The following GSTM4 variants were observed in gnomAD, a reference collection of about 807,000 sequenced individuals.
GSTM4 encodes the protein glutathione S-transferase mu 4.
A neutral mutation model predicts 30.1 loss-of-function variants in GSTM4; 27 were observed. That is an observed-to-expected ratio of 0.90 (90% CI 0.66 to 1.24). The LOEUF (loss-of-function observed/expected upper bound fraction) is 1.24, where lower values mean the gene tolerates loss of function less well. GSTM4 is among the 50% of genes most tolerant of loss of function. The pLI, the probability that GSTM4 is intolerant of heterozygous loss-of-function variation, is 0.00. For missense variants in GSTM4, 238 were observed against 272.1 expected, an observed-to-expected ratio of 0.87 and a Z score of 0.88; for synonymous variants, 94 against 96.2, an observed-to-expected ratio of 0.98 and a Z score of 0.13.
At chr1:109,656,556 G>A (rs1651995418) in intron 1 of GSTM4, 131 bp downstream of exon 1, 4 of 365,280 alleles carry the variant, frequency 1.1e-5, no homozygotes, top group Non-Finnish European at 2.3e-5. Context: ...ATGCCTGTGT[G>A]TGTGTGTGTG....
At chr1:109,663,250 C>A (rs1234185919), downstream of GSTM4, among the ~76,000 whole-genome samples, 1 of 152,148 alleles carries the variant, frequency 6.6e-6, no homozygotes, top group African/African-American at 2.4e-5. Flanking sequence ...ATTGAAGGCT[C>A]CTGGTGCAGT....
rs1159796711 is a variant in GSTM4 at position 109,659,557 on chromosome 1, T to C, written c.567+447T>C. On this transcript the variant is annotated intron_variant, in intron 7 of 7. Coordinates refer to ENST00000369836, the MANE Select transcript of GSTM4 (RefSeq NM_000850.5). ...TGGATGCAGCTGGCAATAGTAGGAC[T>C]GACACACGGTGGCATTGACGTCGAG... The C allele has an allele frequency of 6.3e-6, 3 of 476,676 alleles. No homozygotes were observed. The Admixed American group carries it at 1.1e-4, about 17-fold the overall frequency. 29.5% of individuals were successfully genotyped at this position (476,676 alleles called of 1,614,324 possible).
chr1:109,664,651 C>T (rs764463452), downstream of GSTM4, among the ~76,000 whole-genome samples: 26 of 152,066 alleles, frequency 1.7e-4, no homozygotes, highest in Non-Finnish European at 2.8e-4. Flanking sequence ...TGAGCCATCG[C>T]GCCCAGCCCA....
downstream of GSTM4, among the ~76,000 whole-genome samples, chr1:109,666,829 G>T (rs1647342248): frequency 6.6e-6 from 1 of 152,066 alleles, no homozygotes; most frequent in Non-Finnish European, 1.5e-5. Context: ...TGGTTCAAGC[G>T]ATTCTCCTGC....
At chr1:109,667,232 G>A (rs1647359633), downstream of GSTM4, among the ~76,000 whole-genome samples, 1 of 150,904 alleles carries the variant, frequency 6.6e-6, no homozygotes, top group Admixed American at 6.6e-5. Flanking sequence ...AACTCATGTA[G>A]TTAAGGTAAG....
chr1:109,663,073 G>T (rs1357620844), downstream of GSTM4, among the ~76,000 whole-genome samples: 5 of 152,174 alleles, frequency 3.3e-5, no homozygotes, highest in East Asian at 9.6e-4. Context: ...CTAACACTAT[G>T]TGCAAAAACA....
At chr1:109,658,645 A>T in intron 5 of GSTM4, 169 bp from the exon 6 acceptor site, 2 of 637,566 alleles carry the variant, frequency 3.1e-6, no homozygotes, top group Admixed American at 5.6e-5. Flanking sequence ...GCCTCCAGCT[A>T]CCCATTTGGA....
downstream of GSTM4, among the ~76,000 whole-genome samples, chr1:109,667,441 C>G (rs545267619): frequency 6.6e-6 from 1 of 152,232 alleles, no homozygotes; most frequent in Non-Finnish European, 1.5e-5. Context: ...AGTCCACCAG[C>G]CCCTGCTCCC....
downstream of GSTM4, among the ~76,000 whole-genome samples, chr1:109,663,799 C>T (rs1191579536): frequency 6.6e-6 from 1 of 152,218 alleles, no homozygotes; most frequent in Non-Finnish European, 1.5e-5. Context: ...AAGATGTCAA[C>T]GTCCTCAGGA....
In GSTM4 at chr1:109,658,834, C is replaced by T. The variant is rs1260630633; in HGVS notation, c.381C>T (p.Tyr127=). The T allele has an allele frequency of 1.2e-6, 2 of 1,613,558 alleles. No homozygotes were observed. The highest frequency in any genetic ancestry group is 2.7e-5 in the African/African-American group (2 of 75,020). ...CTCAGGAGAAACTGAAGCCAGAATA[C>T]TTGGAGGAACTTCCTACAATGATGC... ...SPDFEKLKPE[Y]LEELPTMMQH... The change falls in exon 6 of 8, where the codon TAC becomes TAT. Residue 127 remains tyrosine, a synonymous_variant. Transcript: ENST00000369836.
At position 109,661,236 on chromosome 1, in the gene GSTM4, T is replaced by C; in HGVS notation, c.639T>C (p.Ala213=). 6.2e-7 allele frequency: 1 copy of C among 1,611,246 alleles called. No individual in the cohort carries two copies. The highest frequency in any genetic ancestry group is 1.1e-5 in the South Asian group (1 of 91,086). Residue 213 remains alanine, a synonymous_variant, in exon 8 of 8, where the codon GCT becomes GCC. Transcript: ENST00000369836. The part of the protein sequence containing the change: ...FLPKPLYTRV[A]VWGNK ...CAAAACCTCTGTACACAAGGGTGGC[T>C]GTCTGGGGCAACAAGTAATGCCTTG...
In GSTM4 at chr1:109,656,429, A is replaced by G. The variant is rs370503649; in HGVS notation, c.36+4A>G. 58 of 1,613,346 alleles carry G rather than the reference A, an allele frequency of 3.6e-5. No individual in the cohort carries two copies. Among genetic ancestry groups the G allele is most frequent in the Non-Finnish European group, 4.4e-5 (52 of 1,179,628 alleles). On this transcript the variant is annotated splice_donor_region_variant and intron_variant, in intron 1 of 7. Transcript: ENST00000369836. ...GGGGTACTGGGACATCCGCGGGGTG[A>G]GTGAGGGTCCGCTGCACTGTGGGAC...
At chr1:109,659,330 A>T in intron 7 of GSTM4, 2 of 1,529,736 alleles carry the variant, frequency 1.3e-6, no homozygotes, top group Admixed American at 4.1e-5. Flanking sequence ...TAGAGATAAG[A>T]AAACTTTGAA....
intron 7 of GSTM4, 127 bp from the exon 8 acceptor site, chr1:109,661,038 C>G (rs1652287868): frequency 1.5e-6 from 2 of 1,308,506 alleles, no homozygotes. Flanking sequence ...CTGTGTGATG[C>G]CTCAGCACTT....
chr1:109,667,540 G>T (rs530783602), downstream of GSTM4, among the ~76,000 whole-genome samples: 61 of 152,140 alleles, frequency 4.0e-4, no homozygotes, highest in East Asian at 0.011. Flanking sequence ...TCTCTGAGGC[G>T]GTATTCCTGA....
At chr1:109,658,942 T>C (rs1225205594) in intron 6 of GSTM4, 33 bp downstream of exon 6, 1 of 1,612,024 alleles carries the variant, frequency 6.2e-7, no homozygotes, top group Non-Finnish European at 8.5e-7. Context: ...ACACTAGAGA[T>C]TTGCCATACA....
At chr1:109,659,232 C>T (rs1652185781) in intron 7 of GSTM4, 122 bp downstream of exon 7, 7 of 1,613,364 alleles carry the variant, frequency 4.3e-6, no homozygotes, top group Non-Finnish European at 5.9e-6. Flanking sequence ...GGCTTCATGC[C>T]AGGAACCTTG....
chr1:109,657,464 C>T, intron 3 of GSTM4, 126 bp from the exon 4 acceptor site: 1 of 1,474,650 alleles, frequency 6.8e-7, no homozygotes, highest in Non-Finnish European at 9.5e-7. Context: ...GACAGTATTT[C>T]TATGTCAGGC....
chr1:109,660,785 T>C, intron 7 of GSTM4: 1 of 262,884 alleles, frequency 3.8e-6, no homozygotes, highest in South Asian at 4.7e-5. Context: ...TCTGTCCCCC[T>C]TAGTAGCTAT....
Sources: allele counts gnomAD v4.1 joint callset (sites outside exome capture counted in the v4.1 genomes callset), GRCh38; gene constraint gnomAD v4.1.1; transcripts MANE v1.5; gene names NCBI Gene and HGNC (gene_info 2026-07-23, HGNC 2026-07-21).